GRM7: variants seen among roughly 807,000 people sequenced by gnomAD.
The protein encoded by GRM7 is glutamate metabotropic receptor 7.
In GRM7, 35 loss-of-function variants were observed where a neutral mutation model predicts 84.5. The ratio of observed to expected loss-of-function variants is 0.41; its 90% CI spans 0.32 to 0.55. The LOEUF (loss-of-function observed/expected upper bound fraction) is 0.55. GRM7 is among the 20% of genes least tolerant of loss of function. The probability of loss-of-function intolerance (pLI) is 0.19; values close to 1 mark genes in which losing one functional copy is unlikely to be tolerated. For missense variants in GRM7, 1,003 were observed against 1,194.6 expected (o/e 0.84, Z 2.36); for synonymous variants, 487 against 455.1 (o/e 1.07, Z -0.89).
At chr3:7,340,626 C>T (rs561584304) in intron 4 of GRM7, among the ~76,000 whole-genome samples, 82 of 152,198 alleles carry the variant, frequency 5.4e-4, no homozygotes, top group African/African-American at 1.9e-3. Flanking sequence ...ACTGGGTTTC[C>T]GTGATATCCA....
chr3:7,550,708 G>C (rs1575483403), intron 7 of GRM7, among the ~76,000 whole-genome samples: 1 of 150,640 alleles, frequency 6.6e-6, no homozygotes, highest in Non-Finnish European at 1.5e-5. Flanking sequence ...TGCTGTGTAT[G>C]CTTTTTCTGA....
intron 4 of GRM7, among the ~76,000 whole-genome samples, chr3:7,398,342 G>A (rs1325108224): frequency 6.6e-6 from 1 of 152,108 alleles, no homozygotes; most frequent in African/African-American, 2.4e-5. Flanking sequence ...GGAAGTTATA[G>A]AGAACATAGC....
chr3:7,345,925 A>G (rs889278762), intron 4 of GRM7, among the ~76,000 whole-genome samples: 1 of 152,182 alleles, frequency 6.6e-6, no homozygotes, highest in Non-Finnish European at 1.5e-5. Flanking sequence ...CAAGCAGAGT[A>G]TAAAGACGTT....
chr3:7,192,655 T>C (rs1695747308), intron 2 of GRM7, among the ~76,000 whole-genome samples: 1 of 152,122 alleles, frequency 6.6e-6, no homozygotes. Flanking sequence ...CTATCTTGGC[T>C]CCTTCCAAGC....
At chr3:7,505,954 C>T (rs1317621343) in intron 7 of GRM7, among the ~76,000 whole-genome samples, 2 of 152,250 alleles carry the variant, frequency 1.3e-5, no homozygotes, top group Non-Finnish European at 2.9e-5. Context: ...TTCTCTACCG[C>T]ATCACCAGGC....
intron 2 of GRM7, among the ~76,000 whole-genome samples, chr3:7,296,931 C>T (rs1699835976): frequency 6.6e-6 from 1 of 151,518 alleles, no homozygotes; most frequent in African/African-American, 2.4e-5. Context: ...TGTAGGTTTT[C>T]ACAATCATGC....
chr3:7,306,432 G>A, intron 3 of GRM7, 66 bp from the exon 4 acceptor site: 5 of 1,381,984 alleles, frequency 3.6e-6, no homozygotes, highest in Admixed American at 1.7e-5. Flanking sequence ...TTGCTGACTT[G>A]CAATCTACAC....
At chr3:7,010,426 C>A (rs1416256793) in intron 1 of GRM7, among the ~76,000 whole-genome samples, 4 of 152,158 alleles carry the variant, frequency 2.6e-5, no homozygotes, top group Non-Finnish European at 4.4e-5. Flanking sequence ...TGCACTCCAG[C>A]CTGGGTGACG....
intron 1 of GRM7, among the ~76,000 whole-genome samples, chr3:6,925,754 T>A (rs889512113): frequency 2.0e-5 from 3 of 152,210 alleles, no homozygotes; most frequent in Admixed American, 2.0e-4. Flanking sequence ...TCTGCCTCCC[T>A]GAAGCATCTT....
chr3:7,725,853 A>C (rs2106522710), intron 9 of GRM7, among the ~76,000 whole-genome samples: 1 of 152,334 alleles, frequency 6.6e-6, no homozygotes, highest in East Asian at 1.9e-4. Context: ...ACATAGTTTA[A>C]AAGCTAAAGT....
chr3:7,495,256 A>G (rs1441484835), intron 7 of GRM7, among the ~76,000 whole-genome samples: 1 of 152,122 alleles, frequency 6.6e-6, no homozygotes, highest in Non-Finnish European at 1.5e-5. Context: ...AGAGGAGAAG[A>G]GCAGTTTCCC....
chr3:7,288,707 T>C (rs1699515851), intron 2 of GRM7, among the ~76,000 whole-genome samples: 1 of 152,076 alleles, frequency 6.6e-6, no homozygotes. Flanking sequence ...ATGACACAAG[T>C]ACTTATTAAA....
chr3:7,227,504 A>T (rs1248856362), intron 2 of GRM7, among the ~76,000 whole-genome samples: 1 of 152,154 alleles, frequency 6.6e-6, no homozygotes, highest in African/African-American at 2.4e-5. Flanking sequence ...TACTTTTTTC[A>T]GTACATCTTT....
intron 1 of GRM7, among the ~76,000 whole-genome samples, chr3:6,875,624 G>A (rs914722650): frequency 2.6e-5 from 4 of 152,158 alleles, no homozygotes; most frequent in African/African-American, 9.7e-5. Flanking sequence ...TATTAGCAGT[G>A]TGAGAACAGA....
At chr3:7,385,088 C>G (rs968972141) in intron 4 of GRM7, among the ~76,000 whole-genome samples, 4 of 151,992 alleles carry the variant, frequency 2.6e-5, no homozygotes, top group African/African-American at 9.7e-5. Flanking sequence ...ATTAAAGCCT[C>G]CTTTTAAAAT....
intron 7 of GRM7, among the ~76,000 whole-genome samples, chr3:7,578,018 A>G (rs1187535867): frequency 6.6e-6 from 1 of 152,208 alleles, no homozygotes; most frequent in Non-Finnish European, 1.5e-5. Context: ...GATTTGGGAC[A>G]TTTATACTTA....
intron 7 of GRM7, among the ~76,000 whole-genome samples, chr3:7,532,082 T>A (rs1426387122): frequency 6.6e-6 from 1 of 152,190 alleles, no homozygotes. Context: ...GAAATTTTCT[T>A]TTTTTGTTGT....
intron 2 of GRM7, among the ~76,000 whole-genome samples, chr3:7,216,077 A>T (rs560625224): frequency 6.6e-6 from 1 of 152,316 alleles, no homozygotes; most frequent in East Asian, 1.9e-4. Flanking sequence ...AAAAATAATA[A>T]AGTGAATTTA....
chr3:7,339,626 A>C (rs1701560335), intron 4 of GRM7, among the ~76,000 whole-genome samples: 1 of 152,180 alleles, frequency 6.6e-6, no homozygotes, highest in South Asian at 2.1e-4. Flanking sequence ...GAAGATCAGC[A>C]TTCCTGGTGC....
Sources: allele counts gnomAD v4.1 joint callset (sites outside exome capture counted in the v4.1 genomes callset), GRCh38; gene constraint gnomAD v4.1.1; transcripts MANE v1.5; gene names NCBI Gene and HGNC (gene_info 2026-07-23, HGNC 2026-07-21).